P2RY14: variants seen among roughly 807,000 people sequenced by gnomAD.
P2RY14 encodes P2Y purinoceptor 14.
Under a neutral mutation model 0.9 loss-of-function variants are expected in P2RY14, and 2 were observed. That is an observed-to-expected ratio of 2.16 (90% confidence interval 0.88 to 6.79). P2RY14 has a LOEUF of 6.79. P2RY14 is among the 30% of genes most tolerant of loss of function. The pLI, the probability that P2RY14 is intolerant of heterozygous loss-of-function variation, is 0.05. For synonymous variants in P2RY14, 158 were observed against 147.2 expected (o/e 1.07, Z -0.53); for missense variants, 378 against 400.1 (o/e 0.94, Z 0.47).
intron 1 of P2RY14, among the ~76,000 whole-genome samples, chr3:151,247,536 C>G (rs532768834): frequency 9.4e-5 from 14 of 149,064 alleles, no homozygotes; most frequent in African/African-American, 3.2e-4. Flanking sequence ...ACTGCATATT[C>G]TCACTCATAG....
intron 1 of P2RY14, among the ~76,000 whole-genome samples, chr3:151,274,527 G>C (rs961188325): frequency 4.6e-5 from 7 of 152,136 alleles, no homozygotes; most frequent in African/African-American, 1.7e-4. Context: ...AACACTAAAG[G>C]CCACCTCCTA....
At chr3:151,223,156 A>C (rs1002751198) in intron 1 of P2RY14, among the ~76,000 whole-genome samples, 2 of 129,448 alleles carry the variant, frequency 1.5e-5, no homozygotes, top group Non-Finnish European at 3.2e-5. Flanking sequence ...TACAACATTG[A>C]GGCTTTTATT....
intron 2 of P2RY14, among the ~76,000 whole-genome samples, chr3:151,217,777 A>G (rs531706361): frequency 6.6e-5 from 10 of 152,272 alleles, no homozygotes; most frequent in Non-Finnish European, 1.3e-4. Context: ...GAACTCTTAA[A>G]TATTGATTTT....
chr3:151,231,417 T>A (rs1731641993), intron 1 of P2RY14, among the ~76,000 whole-genome samples: 1 of 152,258 alleles, frequency 6.6e-6, no homozygotes, highest in Admixed American at 6.5e-5. Context: ...GGTCACTGAA[T>A]GATCCAACTT....
At chr3:151,272,268 T>C (rs1741089859) in intron 1 of P2RY14, among the ~76,000 whole-genome samples, 1 of 152,196 alleles carries the variant, frequency 6.6e-6, no homozygotes, top group South Asian at 2.1e-4. Flanking sequence ...ATTTCTCAAA[T>C]AGGGTCAAGG....
At chr3:151,255,705 A>G (rs533102646) in intron 1 of P2RY14, among the ~76,000 whole-genome samples, 1 of 152,306 alleles carries the variant, frequency 6.6e-6, no homozygotes, top group East Asian at 1.9e-4. Flanking sequence ...AAATACAGCG[A>G]ACTTGTTTAC....
chr3:151,237,100 G>T (rs572743745), intron 1 of P2RY14, among the ~76,000 whole-genome samples: 1 of 148,286 alleles, frequency 6.7e-6, no homozygotes, highest in East Asian at 2.0e-4. Context: ...CCAGGCTGGA[G>T]TACCAGTCTC....
At chr3:151,242,395 C>T (rs961668312) in intron 1 of P2RY14, among the ~76,000 whole-genome samples, 1 of 152,234 alleles carries the variant, frequency 6.6e-6, no homozygotes, top group African/African-American at 2.4e-5. Flanking sequence ...TTGAAGAGAG[C>T]AGTGGTTCTC....
intron 1 of P2RY14, chr3:151,248,997 A>G (rs1577118247): frequency 6.6e-6 from 1 of 152,332 alleles, no homozygotes; most frequent in African/African-American, 2.4e-5. Context: ...ACACTGCATT[A>G]GCTTTCAAAT....
At chr3:151,264,045 A>G (rs2149513147) in intron 1 of P2RY14, among the ~76,000 whole-genome samples, 1 of 152,340 alleles carries the variant, frequency 6.6e-6, no homozygotes, top group Non-Finnish European at 1.5e-5. Flanking sequence ...TTCAGTTTTT[A>G]AAGTTCTGCC....
chr3:151,256,069 G>A (rs1453863779), intron 1 of P2RY14, among the ~76,000 whole-genome samples: 2 of 152,190 alleles, frequency 1.3e-5, no homozygotes, highest in Admixed American at 1.3e-4. Flanking sequence ...ACATATGCTA[G>A]ATAGAAATAC....
intron 1 of P2RY14, among the ~76,000 whole-genome samples, chr3:151,268,913 A>G (rs1740334674): frequency 6.6e-6 from 1 of 152,174 alleles, no homozygotes; most frequent in African/African-American, 2.4e-5. Context: ...TAGCCACAAA[A>G]CAAAAAAAAT....
intron 1 of P2RY14, among the ~76,000 whole-genome samples, chr3:151,256,288 C>G (rs1260955781): frequency 1.3e-5 from 2 of 152,114 alleles, no homozygotes; most frequent in East Asian, 3.9e-4. Flanking sequence ...CAAACTATTA[C>G]GGATGGGGCA....
intron 1 of P2RY14, among the ~76,000 whole-genome samples, chr3:151,222,689 G>A (rs1320785149): frequency 1.3e-5 from 2 of 152,162 alleles, no homozygotes; most frequent in South Asian, 2.1e-4. Context: ...TCTCAAATAT[G>A]TCTTTATCAG....
chr3:151,275,040 G>A (rs896582346), intron 1 of P2RY14, among the ~76,000 whole-genome samples: 1 of 152,182 alleles, frequency 6.6e-6, no homozygotes, highest in Non-Finnish European at 1.5e-5. Context: ...TCACTGGGAA[G>A]ATCACATCAG....
chr3:151,266,995 T>C (rs960482676), intron 1 of P2RY14, among the ~76,000 whole-genome samples: 5 of 152,254 alleles, frequency 3.3e-5, no homozygotes, highest in Non-Finnish European at 7.3e-5. Context: ...GGATTTACTT[T>C]ATACATAGTG....
chr3:151,271,692 A>AAT (rs1740978866), intron 1 of P2RY14, among the ~76,000 whole-genome samples: 1 of 152,224 alleles, frequency 6.6e-6, no homozygotes, highest in Non-Finnish European at 1.5e-5. Context: ...GCGGGCCCAC[A>AAT]ATATAGGTAA....
At chr3:151,271,585 A>G (rs1032198615) in intron 1 of P2RY14, among the ~76,000 whole-genome samples, 4 of 152,232 alleles carry the variant, frequency 2.6e-5, no homozygotes, top group African/African-American at 9.6e-5. Context: ...ACAACAGCCA[A>G]AAGTTGGGAA....
At chr3:151,224,941 C>T (rs1411566973) in intron 1 of P2RY14, among the ~76,000 whole-genome samples, 3 of 152,144 alleles carry the variant, frequency 2.0e-5, no homozygotes, top group Non-Finnish European at 4.4e-5. Context: ...TCAGAACATG[C>T]TTATTACATT....
Sources: gnomAD v4.1 joint callset for allele counts (sites outside exome capture counted in the v4.1 genomes callset) on GRCh38, gnomAD v4.1.1 for gene constraint, MANE v1.5 for transcripts, NCBI Gene and HGNC (gene_info 2026-07-23, HGNC 2026-07-21) for gene names.